The following SMS variants were observed in gnomAD, a reference collection of about 807,000 sequenced individuals.
The protein encoded by SMS is spermidine aminopropyltransferase.
Under a neutral mutation model 33.0 loss-of-function variants are expected in SMS, and 3 were observed. The ratio of observed to expected loss-of-function variants is 0.09; its 90% CI spans 0.04 to 0.23. The LOEUF is 0.23. Among genes scored for constraint, SMS ranks in the 10% least tolerant of loss-of-function variants. The probability of loss-of-function intolerance (pLI) is 1.00; values close to 1 mark genes in which losing one functional copy is unlikely to be tolerated. For missense variants in SMS, 117 were observed against 288.6 expected (o/e 0.41, Z 4.31); for synonymous variants, 103 against 112.2 (o/e 0.92, Z 0.52).
At chrX:21,992,897 A>G (rs1044152403) in intron 10 of SMS, among the ~76,000 whole-genome samples, 185 bp downstream of exon 10, 9 of 112,584 alleles carry the variant, frequency 8.0e-5, no homozygotes, top group Non-Finnish European at 1.7e-4. Context: ...CTGAGATTCT[A>G]GACTTCCATT....
Position 21,984,326 on chromosome X carries a change from C to T in SMS, c.773C>T (p.Pro258Leu), listed in dbSNP as rs1925178295. The T allele has an allele frequency of 3.4e-6, 4 of 1,173,688 alleles. No individual in the cohort carries two copies. The highest frequency in any genetic ancestry group is 2.2e-5 in the Admixed American group (1 of 45,615). Residue 258 changes from proline to leucine, a missense_variant, in exon 8 of 11, where the codon CCG becomes CTG. By Grantham distance (98) the Pro-to-Leu change is moderately conservative. Transcript: ENST00000404933. The stretch of plus-strand genomic sequence containing the variant: ...AAGGTTCTAATAGAAGACTGTATCC[C>T]GGTACTGAAGAGGTACGCCAAAGAA... ...CYQVLIEDCI[P>L]VLKRYAKEGR...
Position 21,985,211 on chromosome X carries a change from A to G in SMS, c.933A>G (p.Lys311=). The G allele has an allele frequency of 2.6e-6, 3 of 1,162,956 alleles. No individual in the cohort carries two copies. Among genetic ancestry groups the G allele is most frequent in the South Asian group, 1.8e-5 (1 of 55,915 alleles). ...LSMKVLKQDG[K]YFTQGNCVNL... ...TGAAAGTGTTGAAACAGGATGGGAAATATTTTACACAGGTAGGCTACTTAA... is the reference window on the plus strand; with the variant it reads ...TGAAAGTGTTGAAACAGGATGGGAAGTATTTTACACAGGTAGGCTACTTAA... Residue 311 remains lysine (K), a synonymous_variant, in exon 9 of 11, where the codon AAA becomes AAG. Coordinates refer to ENST00000404933, the MANE Select transcript of SMS (RefSeq NM_004595.5).
chrX:21,941,909 A>C (rs1441768172), intron 1 of SMS, among the ~76,000 whole-genome samples: 1 of 97,788 alleles, frequency 1.0e-5, no homozygotes, highest in East Asian at 3.2e-4. Context: ...AAAAAAAAAA[A>C]AAAAAAAAAA....
chrX:21,989,867 C>T (rs1026543869), intron 9 of SMS, among the ~76,000 whole-genome samples: 1 of 110,646 alleles, frequency 9.0e-6, no homozygotes, highest in Non-Finnish European at 1.9e-5. Flanking sequence ...CTCAGCCTTC[C>T]GAGTAGCTGG....
chrX:21,959,810 G>A, intron 1 of SMS: 1 of 348,610 alleles, frequency 2.9e-6, no homozygotes, highest in Non-Finnish European at 3.7e-6. Flanking sequence ...CTGGGGTTTA[G>A]GGGAAAGGAT....
chrX:21,945,862 A>G (rs998695663), intron 1 of SMS, among the ~76,000 whole-genome samples: 1 of 110,642 alleles, frequency 9.0e-6, no homozygotes, highest in African/African-American at 3.3e-5. Flanking sequence ...TGACCTCATG[A>G]TCCACCCGCA....
chrX:21,974,856 CTTTT>C (rs11347193), intron 4 of SMS, among the ~76,000 whole-genome samples: 93 of 83,258 alleles, frequency 1.1e-3, no homozygotes, highest in African/African-American at 3.2e-3. Flanking sequence ...GATTGCTATC[CTTTT>C]TTTTTTTTTT....
chrX:21,949,689 A>T (rs972321926), intron 1 of SMS, among the ~76,000 whole-genome samples: 12 of 112,258 alleles, frequency 1.1e-4, no homozygotes, highest in African/African-American at 3.2e-4. Context: ...TCTCCCTTCT[A>T]GAAGGACTGT....
At position 21,940,728 on chromosome X, in the gene SMS, G is replaced by C. The variant is rs942755399; in HGVS notation, c.-97G>C. 1.4e-4 allele frequency: 100 copies of C among 696,280 alleles called. No homozygotes were observed. The highest frequency in any genetic ancestry group is 3.9e-5 in the Non-Finnish European group (19 of 484,159). 57.4% of individuals were successfully genotyped at this position (696,280 alleles called of 1,213,427 possible). On this transcript the variant is annotated 5_prime_UTR_variant, in exon 1 of 11. Coordinates refer to ENST00000404933, the MANE Select transcript of SMS (RefSeq NM_004595.5). ...CCTCCTAGTCCTGGCCTCCCCGGGC[G>C]CAGCACACTCCCAGCCGGCCGCAGC...
At chrX:21,989,145 C>G (rs1192109717) in intron 9 of SMS, among the ~76,000 whole-genome samples, 2 of 110,899 alleles carry the variant, frequency 1.8e-5, no homozygotes, top group Non-Finnish European at 3.8e-5. Flanking sequence ...ATAAAAGTTG[C>G]TAAGGATGTA....
chrX:21,944,097 A>G (rs1922013670), intron 1 of SMS, among the ~76,000 whole-genome samples: 1 of 111,221 alleles, frequency 9.0e-6, no homozygotes, highest in African/African-American at 3.3e-5. Context: ...CGCAGCAGCC[A>G]CCAGACCACC....
rs1004518170 is a variant in SMS, at chrX:21,972,072, T to A, written c.264+82T>A. ...TAGTGTTAAAATAATGTTCTCTTCA[T>A]TGCTTACTTTCCAGTTAATTTTAAA... On this transcript the variant is annotated intron_variant, in intron 3 of 10. Transcript: ENST00000404933. The A allele has an allele frequency of 6.1e-5, 40 of 651,043 alleles. No individual in the cohort carries two copies. The East Asian group carries it at 7.5e-4, about 12-fold the overall frequency. The allele number at this position is 651,043 out of a possible 1,213,427, so 53.7% of individuals were successfully genotyped here. A position where few individuals can be genotyped will look rare whatever the true frequency, so the allele number is the denominator to read the frequency against.
chrX:21,966,745 G>A (rs1923748841), intron 1 of SMS, among the ~76,000 whole-genome samples: 1 of 112,415 alleles, frequency 8.9e-6, no homozygotes, highest in Admixed American at 9.4e-5. Context: ...CTCATCAGCA[G>A]TGGACAGGTA....
intron 7 of SMS, among the ~76,000 whole-genome samples, chrX:21,980,342 G>C (rs1330537948): frequency 9.7e-6 from 1 of 103,536 alleles, no homozygotes; most frequent in African/African-American, 3.5e-5. Context: ...GCTTGAACCC[G>C]GAAGGTGGAG....
At chrX:21,991,542 T>G (rs772281251) in intron 9 of SMS, among the ~76,000 whole-genome samples, 1 of 112,183 alleles carries the variant, frequency 8.9e-6, no homozygotes, top group South Asian at 3.7e-4. Context: ...GAATACCAAC[T>G]TCAGAGATTA....
chrX:21,944,465 C>T (rs756043121), intron 1 of SMS, among the ~76,000 whole-genome samples: 91 of 95,645 alleles, frequency 9.5e-4, no homozygotes, highest in African/African-American at 3.6e-3. Flanking sequence ...GGAGGCGAAG[C>T]GCTTGAGCCC....
At chrX:21,968,814 G>T (rs1923917970) in intron 2 of SMS, among the ~76,000 whole-genome samples, 1 of 112,006 alleles carries the variant, frequency 8.9e-6, no homozygotes, top group Non-Finnish European at 1.9e-5. Context: ...GTAATAGGGT[G>T]CAGTATGTAC....
intron 1 of SMS, among the ~76,000 whole-genome samples, chrX:21,954,285 G>C (rs1922825511): frequency 8.9e-6 from 1 of 111,983 alleles, no homozygotes. Context: ...TAAAAGGGTT[G>C]TAAAGCACAC....
intron 4 of SMS, among the ~76,000 whole-genome samples, chrX:21,973,787 T>C (rs1043863077): frequency 3.5e-5 from 4 of 113,455 alleles, no homozygotes; most frequent in Non-Finnish European, 7.5e-5. Context: ...TAGTGGTTAG[T>C]GTCTGCCATG....
Sources: allele counts gnomAD v4.1 joint callset (sites outside exome capture counted in the v4.1 genomes callset), GRCh38; gene constraint gnomAD v4.1.1; transcripts MANE v1.5; gene names NCBI Gene and HGNC (gene_info 2026-07-23, HGNC 2026-07-21).